NCOR2: variants seen among roughly 807,000 people sequenced by gnomAD.
NCOR2 encodes the protein nuclear receptor corepressor 2, also known as CTG repeat protein 26.
In NCOR2, 81 loss-of-function variants were observed where a neutral mutation model predicts 262.9. That is an observed-to-expected ratio of 0.31 (90% CI 0.26 to 0.37). The LOEUF (loss-of-function observed/expected upper bound fraction) is 0.37, where lower values mean the gene tolerates loss of function less well. Ranked by LOEUF, NCOR2 falls within the 10% of genes least tolerant of loss-of-function variation. NCOR2 has a pLI of 1.00. For synonymous variants in NCOR2, 1,659 were observed against 1,559.3 expected (o/e 1.06, Z -1.51); for missense variants, 3,385 against 3,621.4 (o/e 0.93, Z 1.68).
At chr12:124,542,401 G>A (rs2137227439) in intron 1 of NCOR2, 1 of 152,658 alleles carries the variant, frequency 6.6e-6, no homozygotes, top group South Asian at 2.1e-4. Flanking sequence ...AAGGGAGAAG[G>A]ACGGGTGTTG....
At chr12:124,471,040 G>A (rs192891477) in intron 4 of NCOR2, among the ~76,000 whole-genome samples, 70 of 152,238 alleles carry the variant, frequency 4.6e-4, no homozygotes, top group Admixed American at 1.7e-3. Flanking sequence ...GGCCCCTCTC[G>A]GGATGCCTGT....
intron 20 of NCOR2, among the ~76,000 whole-genome samples, chr12:124,366,635 T>C (rs1284499911): frequency 2.0e-5 from 3 of 152,250 alleles, no homozygotes; most frequent in Non-Finnish European, 2.9e-5. Flanking sequence ...GCCTCCGGAA[T>C]TGCTGAAGCT....
At chr12:124,461,767 G>A (rs1442065154) in intron 5 of NCOR2, among the ~76,000 whole-genome samples, 1 of 152,210 alleles carries the variant, frequency 6.6e-6, no homozygotes, top group East Asian at 1.9e-4. Context: ...ATGCACACAG[G>A]TGCACAGATG....
At position 124,383,649 on chromosome 12, in the gene NCOR2, C is replaced by T. The variant is rs185212506; in HGVS notation, c.2019+2096G>A. 417 of 197,086 alleles carry T rather than the reference C, an allele frequency of 2.1e-3. 2 individuals carry two copies. The highest frequency in any genetic ancestry group is 3.3e-3 in the Admixed American group (55 of 16,656). The allele number at this position is 197,086 out of a possible 1,614,324, so 12.2% of individuals were successfully genotyped here. A position where few individuals can be genotyped will look rare whatever the true frequency, so the allele number is the denominator to read the frequency against. On this transcript the variant is annotated intron_variant, in intron 17 of 46. Transcript: ENST00000405201. ...ACTAGGGCACGTCGCCCTCCCGGAGCGCTGCCCCTCTGGCAGGCACTAAGG... is the reference window on the plus strand; with the variant it reads ...ACTAGGGCACGTCGCCCTCCCGGAGTGCTGCCCCTCTGGCAGGCACTAAGG...
exon 27 of NCOR2, chr12:124,354,159 G>A: frequency 6.2e-7 from 1 of 1,609,056 alleles, no homozygotes. Flanking sequence ...GAATGCCTTT[G>A]GTGATGCTTC....
chr12:124,552,989 A>C (rs903685541), intron 1 of NCOR2, among the ~76,000 whole-genome samples: 2 of 152,236 alleles, frequency 1.3e-5, no homozygotes, highest in African/African-American at 4.8e-5. Flanking sequence ...CCCAGCCAGC[A>C]TAAGTTTATT....
chr12:124,346,647 G>C (rs753316257), exon 31 of NCOR2: 1 of 1,591,112 alleles, frequency 6.3e-7, no homozygotes, highest in Non-Finnish European at 8.5e-7. Flanking sequence ...GGGATCTCAT[G>C]GATGGAGCGG....
At chr12:124,325,663 G>A in intron 46 of NCOR2, 80 bp from the exon 49 acceptor site, 1 of 983,128 alleles carries the variant, frequency 1.0e-6, no homozygotes, top group East Asian at 3.3e-5. Context: ...ACCACACCGG[G>A]AACAGAGGCC....
intron 28 of NCOR2, 41 bp downstream of exon 30, chr12:124,350,546 T>G (rs1343598139): frequency 6.3e-7 from 1 of 1,594,652 alleles, no homozygotes; most frequent in Non-Finnish European, 8.6e-7. Context: ...CCAAGCACAC[T>G]CCTCCCCTGG....
At chr12:124,413,487 G>A (rs372173468) in intron 13 of NCOR2, among the ~76,000 whole-genome samples, 1 of 152,156 alleles carries the variant, frequency 6.6e-6, no homozygotes, top group Non-Finnish European at 1.5e-5. Flanking sequence ...TCTGTGGGGC[G>A]AGCAAGCTTG....
chr12:124,478,699 CAG>C (rs2047235280), intron 3 of NCOR2, among the ~76,000 whole-genome samples: 1 of 151,914 alleles, frequency 6.6e-6, no homozygotes, highest in Non-Finnish European at 1.5e-5. Flanking sequence ...GTGGTCCAAG[CAG>C]AGAGGAGAGA....
intron 20 of NCOR2, among the ~76,000 whole-genome samples, chr12:124,367,460 C>G (rs548156042): frequency 6.6e-6 from 1 of 152,182 alleles, no homozygotes; most frequent in Non-Finnish European, 1.5e-5. Context: ...GAGTCCTAAG[C>G]CCCCAGAGGG....
At chr12:124,344,649 G>A in exon 32 of NCOR2, 2 of 1,483,110 alleles carry the variant, frequency 1.3e-6, no homozygotes, top group African/African-American at 1.4e-5. Flanking sequence ...AACCTCGTGG[G>A]AGGTGGCCGG....
chr12:124,335,584 G>C, exon 39 of NCOR2: 15 of 1,608,450 alleles, frequency 9.3e-6, no homozygotes, highest in Non-Finnish European at 1.2e-5. Flanking sequence ...TGAGCTCACA[G>C]GGCTGACGGG....
intron 28 of NCOR2, 24 bp downstream of exon 30, chr12:124,350,563 G>GCCTCCTCT: frequency 6.9e-6 from 11 of 1,604,630 alleles, no homozygotes; most frequent in Non-Finnish European, 9.4e-6. Context: ...CTGGTCCTGG[G>GCCTCCTCT]CCTCCTCTCC....
rs1227303425 is a variant in NCOR2, at chr12:124,440,131, A to G, written c.816-2135T>C. 3.9e-5 allele frequency among the ~76,000 whole-genome samples: 6 copies of G among 152,122 alleles called. No individual in the cohort carries two copies. Among genetic ancestry groups the G allele is most frequent in the African/African-American group, 9.7e-5 (4 of 41,422 alleles). Reference sequence around the variant, plus strand: ...CACCTTAACTTGCTGTCTGTCCCCAATCCGCGGCATTCAGTGGCACCCGCT... The same window carrying G: ...CACCTTAACTTGCTGTCTGTCCCCAGTCCGCGGCATTCAGTGGCACCCGCT... On this transcript the variant is annotated intron_variant, in intron 7 of 46. Transcript: ENST00000405201. The surrounding 1 kb of genome is among the most constrained non-coding windows in gnomAD (Gnocchi z 5.7).
In NCOR2 at chr12:124,490,408, A is replaced by AGATGGATGGATGGATG. The variant is rs750414709; in HGVS notation, c.106-3856_106-3841dup. ...CCGAGACGCCTGATAAGTATTTGCC[A>AGATGGATGGATGGATG]GATGGATGGATGGATGGATGGATGG... On this transcript the variant is annotated intron_variant, in intron 1 of 46. Coordinates refer to ENST00000405201, the Ensembl canonical transcript of NCOR2. 5.9e-3 allele frequency among the ~76,000 whole-genome samples: 751 copies of AGATGGATGGATGGATG among 126,346 alleles called. 3 individuals are homozygous for AGATGGATGGATGGATG. The highest frequency in any genetic ancestry group is 0.043 in the East Asian group (116 of 2,720). 82.9% of individuals were successfully genotyped at this position (126,346 alleles called of 152,430 possible).
chr12:124,415,611 G>A (rs1397906945), intron 13 of NCOR2, among the ~76,000 whole-genome samples: 2 of 152,228 alleles, frequency 1.3e-5, no homozygotes, highest in Admixed American at 6.5e-5. Context: ...CCTCCTGCCC[G>A]GCTTGCTTTC....
chr12:124,522,854 G>A (rs1302716343), intron 1 of NCOR2, among the ~76,000 whole-genome samples: 3 of 152,222 alleles, frequency 2.0e-5, no homozygotes, highest in Non-Finnish European at 2.9e-5. Flanking sequence ...AGACCTGAGA[G>A]ATCCCACAGC....
Sources: gnomAD v4.1 joint callset for allele counts (sites outside exome capture counted in the v4.1 genomes callset) on GRCh38, gnomAD v4.1.1 for gene constraint, Gnocchi (gnomAD v3.1) non-coding constraint, MANE v1.5 for transcripts, NCBI Gene and HGNC (gene_info 2026-07-23, HGNC 2026-07-21) for gene names.